Variants in EBF1 observed in about 807,000 individuals in gnomAD.
The protein encoded by EBF1 is EBF transcription factor 1.
A neutral mutation model predicts 68.4 loss-of-function variants in EBF1; 10 were observed. The ratio of observed to expected loss-of-function variants is 0.15; its 90% CI spans 0.09 to 0.25. EBF1 has a LOEUF of 0.25. Ranked by LOEUF, EBF1 falls within the 10% of genes least tolerant of loss-of-function variation. The probability of loss-of-function intolerance (pLI) is 1.00; values close to 1 mark genes in which losing one functional copy is unlikely to be tolerated. For missense variants in EBF1, 509 were observed against 794.4 expected (o/e 0.64, Z 4.32); for synonymous variants, 298 against 299.8 (o/e 0.99, Z 0.06).
At chr5:159,010,237 G>A (rs1764364165) in intron 6 of EBF1, among the ~76,000 whole-genome samples, 1 of 152,196 alleles carries the variant, frequency 6.6e-6, no homozygotes, top group Non-Finnish European at 1.5e-5. Context: ...TAGGAGGGTG[G>A]ACAGACACAG....
intron 6 of EBF1, among the ~76,000 whole-genome samples, chr5:159,055,444 C>T (rs1030915164): frequency 6.6e-6 from 1 of 152,118 alleles, no homozygotes; most frequent in African/African-American, 2.4e-5. Flanking sequence ...TCCTGTGTCC[C>T]AGTTCAGCAT....
At chr5:159,052,565 A>C (rs1409695891) in intron 6 of EBF1, among the ~76,000 whole-genome samples, 2 of 152,150 alleles carry the variant, frequency 1.3e-5, no homozygotes, top group Admixed American at 1.3e-4. Flanking sequence ...AGCCTTTTAA[A>C]TCCCACACTT....
chr5:158,810,038 G>A (rs1342485541), intron 8 of EBF1, among the ~76,000 whole-genome samples: 9 of 152,154 alleles, frequency 5.9e-5, no homozygotes, highest in African/African-American at 9.7e-5. Flanking sequence ...GAGTTTCTAG[G>A]ATTCTGCCAA....
intron 6 of EBF1, among the ~76,000 whole-genome samples, chr5:158,891,555 T>C (rs1167567085): frequency 6.6e-6 from 1 of 152,210 alleles, no homozygotes; most frequent in African/African-American, 2.4e-5. Flanking sequence ...GGTCTCAACT[T>C]TGGGCTAATC....
intron 6 of EBF1, chr5:158,983,148 G>A (rs1339243892): frequency 6.6e-6 from 1 of 152,128 alleles, no homozygotes; most frequent in African/African-American, 2.4e-5. Flanking sequence ...GGCCCAGAAG[G>A]TGGTAAAATA....
chr5:159,020,336 C>A (rs1766425195), intron 6 of EBF1, among the ~76,000 whole-genome samples: 1 of 152,138 alleles, frequency 6.6e-6, no homozygotes, highest in South Asian at 2.1e-4. Context: ...GGCTCTAAGT[C>A]CCCTGAGGGT....
intron 6 of EBF1, among the ~76,000 whole-genome samples, chr5:158,889,188 C>G (rs184596867): frequency 6.6e-6 from 1 of 152,260 alleles, no homozygotes; most frequent in Non-Finnish European, 1.5e-5. Flanking sequence ...ATACTGTATG[C>G]CTGGCCTATG....
At chr5:159,037,803 T>C (rs886650412) in intron 6 of EBF1, among the ~76,000 whole-genome samples, 7 of 151,980 alleles carry the variant, frequency 4.6e-5, no homozygotes, top group African/African-American at 1.5e-4. Flanking sequence ...ACTTAAAGTA[T>C]AATAATAAAA....
chr5:158,994,031 T>C (rs1224927181), intron 6 of EBF1, among the ~76,000 whole-genome samples: 1 of 152,186 alleles, frequency 6.6e-6, no homozygotes, highest in Non-Finnish European at 1.5e-5. Context: ...GGTGGGAAGA[T>C]GGGTGAGTTA....
At chr5:158,893,254 T>C (rs1442103861) in intron 6 of EBF1, among the ~76,000 whole-genome samples, 1 of 152,246 alleles carries the variant, frequency 6.6e-6, no homozygotes, top group Non-Finnish European at 1.5e-5. Flanking sequence ...CTTTTTTCTC[T>C]TCCCCTGGTT....
rs111807459 is a variant in EBF1, at chr5:158,832,694, C to T, written c.636+7335G>A. Among the ~76,000 whole-genome samples, 674 of 152,264 alleles carry T rather than the reference C, an allele frequency of 4.4e-3. 8 individuals carry two copies. Among genetic ancestry groups the T allele is most frequent in the African/African-American group, 0.016 (648 of 41,544 alleles). On this transcript the variant is annotated intron_variant, in intron 7 of 15. Coordinates refer to ENST00000313708, the MANE Select transcript of EBF1 (RefSeq NM_024007.5). ...TAAAGCAGACAGAAACTGCAGATGT[C>T]AGGCATGTATTTTAAGAATCCTCTA...
chr5:159,073,041 G>T (rs1329977183), intron 6 of EBF1, among the ~76,000 whole-genome samples: 1 of 152,116 alleles, frequency 6.6e-6, no homozygotes. Flanking sequence ...TCAAATAAAA[G>T]TTAAATATTT....
intron 6 of EBF1, among the ~76,000 whole-genome samples, chr5:158,896,285 G>A (rs1002888286): frequency 1.3e-5 from 2 of 152,180 alleles, no homozygotes; most frequent in African/African-American, 4.8e-5. Context: ...TTGATGGGAA[G>A]TTGAGTTTTT....
At chr5:158,872,529 T>C (rs1033484775) in intron 6 of EBF1, among the ~76,000 whole-genome samples, 4 of 152,252 alleles carry the variant, frequency 2.6e-5, no homozygotes, top group African/African-American at 9.6e-5. Flanking sequence ...ATTTTGGTGA[T>C]AGAATGGAAG....
intron 6 of EBF1, among the ~76,000 whole-genome samples, chr5:158,858,662 G>T (rs988241240): frequency 2.0e-5 from 3 of 152,120 alleles, no homozygotes; most frequent in Non-Finnish European, 4.4e-5. Flanking sequence ...TTATTATGTT[G>T]CAAAATATCA....
chr5:158,796,642 G>A (rs1038568481), intron 8 of EBF1, among the ~76,000 whole-genome samples, 167 bp from the exon 9 acceptor site: 3 of 152,162 alleles, frequency 2.0e-5, no homozygotes, highest in African/African-American at 7.2e-5. Flanking sequence ...AAACTTCAGG[G>A]TGCAACTTCA....
Position 158,807,643 on chromosome 5 carries a change from C to T in EBF1, c.779-11168G>A, listed in dbSNP as rs369603097. 4.6e-5 allele frequency among the ~76,000 whole-genome samples: 7 copies of T among 152,224 alleles called. No individual in the cohort carries two copies. In the South Asian group the frequency reaches 6.2e-4, roughly 14 times the overall value. ...ATCTTTTACTGATTATTAATTTCTG[C>T]AATCATTGAACTAATACTGTCACTG... On this transcript the variant is annotated intron_variant, in intron 8 of 15. Coordinates refer to ENST00000313708, the MANE Select transcript of EBF1 (RefSeq NM_024007.5).
intron 10 of EBF1, among the ~76,000 whole-genome samples, chr5:158,760,737 C>T (rs1170456507): frequency 6.6e-6 from 1 of 152,090 alleles, no homozygotes; most frequent in Admixed American, 6.6e-5. Context: ...CAGCAGCAAG[C>T]CGCTCGATAC....
chr5:158,836,003 T>C (rs140605591), intron 7 of EBF1, among the ~76,000 whole-genome samples: 23 of 152,310 alleles, frequency 1.5e-4, no homozygotes, highest in African/African-American at 5.5e-4. Flanking sequence ...CATGCATTTA[T>C]ACACGTGAAC....
Sources: allele counts gnomAD v4.1 joint callset (sites outside exome capture counted in the v4.1 genomes callset), GRCh38; gene constraint gnomAD v4.1.1; transcripts MANE v1.5; gene names NCBI Gene and HGNC (gene_info 2026-07-23, HGNC 2026-07-21).